Variants in ESCO2 observed in about 807,000 individuals in gnomAD.
ESCO2 encodes establishment of sister chromatid cohesion N-acetyltransferase 2, also known as N-acetyltransferase ESCO2.
Under a neutral mutation model 61.7 loss-of-function variants are expected in ESCO2, and 51 were observed. The ratio of observed to expected loss-of-function variants is 0.83; its 90% CI spans 0.66 to 1.04. The LOEUF (loss-of-function observed/expected upper bound fraction) is 1.04, where lower values mean the gene tolerates loss of function less well. ESCO2 is among the 50% of genes least tolerant of loss of function. ESCO2 has a pLI of 0.00. For missense variants in ESCO2, 692 were observed against 686.2 expected, an observed-to-expected ratio of 1.01 and a Z score of -0.09; for synonymous variants, 230 against 238.2, an observed-to-expected ratio of 0.97 and a Z score of 0.32.
chr8:27,804,716 T>C lies in ESCO2; in HGVS notation c.*1278T>C. 1.0e-6 allele frequency: 1 copy of C among 985,294 alleles called. No homozygotes were observed. Among genetic ancestry groups the C allele is most frequent in the African/African-American group, 1.7e-5 (1 of 57,364 alleles). 61.0% of individuals were successfully genotyped at this position (985,294 alleles called of 1,614,324 possible). A position where few individuals can be genotyped will look rare whatever the true frequency, so the allele number is the denominator to read the frequency against. The stretch of plus-strand genomic sequence containing the variant: ...TTTATTTGCCTGTAAGTTAACATGT[T>C]TCCAAAATTTAAAAGCCTGGGTCCC... On this transcript the variant is annotated 3_prime_UTR_variant, in exon 11 of 11. Transcript: ENST00000305188.
Position 27,776,773 on chromosome 8 carries a change from C to A in ESCO2, c.465C>A (p.Ile155=), listed in dbSNP as rs1465236047. The change falls in exon 3 of 11, where the codon ATC becomes ATA. Residue 155 remains isoleucine, a synonymous_variant. Transcript: ENST00000305188. ...AGTATCAACCAAAGTATAGACACAT[C>A]AAGCCTGTATCAAGGAATTCTAGAA... ...TAKYQPKYRH[I]KPVSRNSRNS... The A allele has an allele frequency of 6.2e-7, 1 of 1,613,988 alleles. No homozygotes were observed. Among genetic ancestry groups the A allele is most frequent in the South Asian group, 1.1e-5 (1 of 91,078 alleles).
chr8:27,814,925 C>T (rs1021464248), downstream of ESCO2, among the ~76,000 whole-genome samples: 1 of 152,180 alleles, frequency 6.6e-6, no homozygotes, highest in African/African-American at 2.4e-5. Flanking sequence ...TAAACTCAAA[C>T]TCTTACAGAC....
chr8:27,803,904 A>AT lies in ESCO2; in HGVS notation c.*481dup, dbSNP rs111395487. On this transcript the variant is annotated 3_prime_UTR_variant, in exon 11 of 11. Transcript: ENST00000305188. ...CCCAATTTGTAAAGGGAATTCCTGA[A>AT]TTTTTTTTTTTTTTTAATAGAGGCA... is the stretch of plus-strand genomic sequence containing the variant. 0.1 allele frequency: 81,360 copies of AT among 782,140 alleles called. 127 individuals are homozygous for AT. Among genetic ancestry groups the AT allele is most frequent in the Middle Eastern group, 0.12 (185 of 1,608 alleles). 48.5% of individuals were successfully genotyped at this position (782,140 alleles called of 1,614,324 possible).
chr8:27,817,231 A>C (rs921415430), downstream of ESCO2, among the ~76,000 whole-genome samples: 4 of 152,122 alleles, frequency 2.6e-5, no homozygotes, highest in Admixed American at 6.6e-5. Flanking sequence ...TCTTGATGAA[A>C]AGTATCTATT....
chr8:27,801,454 T>TA (rs898507179), intron 10 of ESCO2, among the ~76,000 whole-genome samples: 10 of 152,320 alleles, frequency 6.6e-5, no homozygotes, highest in African/African-American at 2.2e-4. Flanking sequence ...CACACATACT[T>TA]ACAAAGGGTA....
chr8:27,772,983 T>G (rs1804688182), upstream of ESCO2, among the ~76,000 whole-genome samples: 1 of 152,166 alleles, frequency 6.6e-6, no homozygotes, highest in Non-Finnish European at 1.5e-5. Context: ...TGTTCTGGCT[T>G]AAATCGAAGG....
chr8:27,799,249 T>C (rs1805370091), intron 9 of ESCO2, among the ~76,000 whole-genome samples: 1 of 152,192 alleles, frequency 6.6e-6, no homozygotes, highest in African/African-American at 2.4e-5. Flanking sequence ...ATGGAGAGAA[T>C]GAGAGAGTTT....
chr8:27,791,868 T>C, intron 7 of ESCO2, 95 bp from the exon 8 acceptor site: 1 of 1,022,746 alleles, frequency 9.8e-7, no homozygotes, highest in Non-Finnish European at 1.5e-6. Context: ...TCTATTATTG[T>C]TTAGCCTTTT....
intron 4 of ESCO2, among the ~76,000 whole-genome samples, chr8:27,781,464 A>G (rs936245114): frequency 1.3e-5 from 2 of 152,208 alleles, no homozygotes; most frequent in African/African-American, 4.8e-5. Flanking sequence ...GTTAAAGTAC[A>G]GAGAGTAGCA....
At chr8:27,805,320 A>G (rs1805543765), downstream of ESCO2, 1 of 145,978 alleles carries the variant, frequency 6.9e-6, no homozygotes, top group South Asian at 2.1e-4. Context: ...AAAAAAAAGA[A>G]GAGGCTTCCC....
chr8:27,819,327 CAACTT>C, the ESCO2 span, among the ~76,000 whole-genome samples: 64,284 of 151,396 alleles, frequency 0.42, 13,880 homozygotes, highest in East Asian at 0.61. Context: ...GTTGAATATT[CAACTT>C]AACTTCATAA....
intron 5 of ESCO2, among the ~76,000 whole-genome samples, chr8:27,786,786 TTTTTTTTTTTTTTTTCTACTTTGTCAGG>T (rs1805052444): frequency 1.1e-5 from 1 of 94,848 alleles, no homozygotes; most frequent in African/African-American, 2.9e-5. Flanking sequence ...TGCTCCACCT[TTTTTTTTTTTTTTTTCTACTTTGTCAGG>T]TTTTTTTTTT....
chr8:27,788,054 T>G, intron 6 of ESCO2, 52 bp downstream of exon 6: 1 of 1,319,946 alleles, frequency 7.6e-7, no homozygotes, highest in Non-Finnish European at 1.1e-6. Flanking sequence ...GCAGAAAAGC[T>G]TGCCAACCCC....
Position 27,776,727 on chromosome 8 carries a change from C to T in ESCO2, c.419C>T (p.Pro140Leu). 1 of 1,613,718 alleles carries T rather than the reference C, an allele frequency of 6.2e-7. No individual in the cohort carries two copies. The highest frequency in any genetic ancestry group is 2.2e-5 in the East Asian group (1 of 44,864). ...TGCTCCAAGAAGAACAACAAAAAAC[C>T]ACAGAAGAGTTTAACTGCTAAGTAT... ...PVCSKKNNKK[P>L]QKSLTAKYQP... The change falls in exon 3 of 11, where the codon CCA becomes CTA. Residue 140 changes from proline (P) to leucine (L), a missense_variant. By Grantham distance (98) the Pro-to-Leu change is moderately conservative. Coordinates refer to ENST00000305188, the MANE Select transcript of ESCO2 (RefSeq NM_001017420.3).
chr8:27,794,040 A>G (rs927986675), intron 9 of ESCO2, among the ~76,000 whole-genome samples: 1 of 151,840 alleles, frequency 6.6e-6, no homozygotes, highest in African/African-American at 2.4e-5. Context: ...GATGTCCTCC[A>G]GGTTCATTCA....
At position 27,776,547 on chromosome 8, in the gene ESCO2, C is replaced by T. The variant is rs4732748; in HGVS notation, c.239C>T (p.Ala80Val). 0.1 allele frequency: 164,268 copies of T among 1,613,932 alleles called. 9,316 individuals carry two copies. The highest frequency in any genetic ancestry group is 0.22 in the East Asian group (9,714 of 44,862). Residue 80 changes from alanine to valine, a missense_variant, in exon 3 of 11, where the codon GCG (alanine) becomes GTG (valine). Transcript: ENST00000305188. ...SANQGSPFKS[A>V]LSTVSFYNQN... ...AATCAAGGCTCACCATTTAAATCTGCGCTCTCCACTGTATCTTTTTACAAC... is the reference window on the plus strand; with the variant it reads ...AATCAAGGCTCACCATTTAAATCTGTGCTCTCCACTGTATCTTTTTACAAC...
downstream of ESCO2, chr8:27,811,891 T>G (rs1246305752): frequency 5.3e-5 from 8 of 152,256 alleles, no homozygotes; most frequent in Non-Finnish European, 8.8e-5. Context: ...TTTTGGGTTT[T>G]GGTACTTGTA....
chr8:27,787,156 T>C (rs1197325231), intron 5 of ESCO2, among the ~76,000 whole-genome samples: 1 of 152,190 alleles, frequency 6.6e-6, no homozygotes, highest in Non-Finnish European at 1.5e-5. Context: ...TTTTAAAATA[T>C]TGGTAGCTAA....
chr8:27,774,864 G>C (rs549869310), intron 1 of ESCO2: 2 of 152,624 alleles, frequency 1.3e-5, no homozygotes, highest in East Asian at 3.9e-4. Flanking sequence ...CCGGGTTCAG[G>C]GTCGGGACGC....
Sources: allele counts gnomAD v4.1 joint callset (sites outside exome capture counted in the v4.1 genomes callset), GRCh38; gene constraint gnomAD v4.1.1; transcripts MANE v1.5; gene names NCBI Gene and HGNC (gene_info 2026-07-23, HGNC 2026-07-21).